Variants in AUTS2 observed in about 807,000 individuals in gnomAD.
The protein encoded by AUTS2 is autism susceptibility gene 2 protein.
In AUTS2, 17 loss-of-function variants were observed where a neutral mutation model predicts 112.4. The observed-to-expected ratio is 0.15, with a 90% CI of 0.10 to 0.23. AUTS2 has a LOEUF of 0.23. Ranked by LOEUF, AUTS2 falls within the 10% of genes least tolerant of loss-of-function variation. AUTS2 has a pLI of 1.00. For missense variants in AUTS2, 1,510 were observed against 1,701.6 expected (o/e 0.89, Z 1.98); for synonymous variants, 751 against 702.7 (o/e 1.07, Z -1.09).
At chr7:70,135,808 A>G (rs1452946960) in intron 4 of AUTS2, among the ~76,000 whole-genome samples, 2 of 152,202 alleles carry the variant, frequency 1.3e-5, no homozygotes, top group Non-Finnish European at 2.9e-5. Flanking sequence ...ATCCTGCTTC[A>G]GCAGTCGAAA....
At chr7:70,776,890 A>G (rs1264274557) in intron 13 of AUTS2, 2 of 593,166 alleles carry the variant, frequency 3.4e-6, no homozygotes, top group Non-Finnish European at 6.0e-6. Flanking sequence ...TCTGAGTAGC[A>G]AACCCACGTG....
chr7:69,746,694 G>A (rs755918326), intron 1 of AUTS2, among the ~76,000 whole-genome samples: 1 of 152,100 alleles, frequency 6.6e-6, no homozygotes, highest in Non-Finnish European at 1.5e-5. Context: ...GGGCAGAGGA[G>A]GGGTAGCAGA....
At position 70,095,289 on chromosome 7, in the gene AUTS2, C is replaced by T. The variant is rs888853834; in HGVS notation, c.523-22843C>T. 3.3e-5 allele frequency among the ~76,000 whole-genome samples: 5 copies of T among 152,074 alleles called. No individual in the cohort carries two copies. The South Asian group carries it at 6.2e-4, about 19-fold the overall frequency. On this transcript the variant is annotated intron_variant, in intron 2 of 18. Coordinates refer to ENST00000342771, the MANE Select transcript of AUTS2 (RefSeq NM_015570.4). ...GTGTGTGTGTGCGTGCGTGCGCTCA[C>T]GTGTGCGTGTGCAGTATTTGCATGG...
chr7:69,934,978 C>T (rs528059192), intron 2 of AUTS2, among the ~76,000 whole-genome samples: 13 of 152,254 alleles, frequency 8.5e-5, no homozygotes, highest in African/African-American at 1.9e-4. Context: ...GGAAAAGTTA[C>T]GGTTTTGTTT....
At chr7:69,828,464 T>C (rs1791353796) in intron 1 of AUTS2, among the ~76,000 whole-genome samples, 1 of 152,174 alleles carries the variant, frequency 6.6e-6, no homozygotes, top group African/African-American at 2.4e-5. Context: ...GATGATATTG[T>C]GGAGCTGTTG....
At chr7:70,594,409 G>A (rs944309192) in intron 5 of AUTS2, among the ~76,000 whole-genome samples, 1 of 152,166 alleles carries the variant, frequency 6.6e-6, no homozygotes, top group Non-Finnish European at 1.5e-5. Context: ...TGACATCTGG[G>A]TTCCTGGATG....
intron 2 of AUTS2, among the ~76,000 whole-genome samples, chr7:69,975,505 A>G (rs1264553845): frequency 6.6e-6 from 1 of 152,128 alleles, no homozygotes; most frequent in Non-Finnish European, 1.5e-5. Context: ...ATCTTTGGTT[A>G]TAATCCCACA....
At chr7:69,917,092 C>T (rs916306564) in intron 2 of AUTS2, among the ~76,000 whole-genome samples, 5 of 152,126 alleles carry the variant, frequency 3.3e-5, no homozygotes, top group Non-Finnish European at 7.3e-5. Flanking sequence ...TAGCTCACTG[C>T]AGCCTCCACC....
chr7:70,269,815 G>T (rs985889559), intron 4 of AUTS2, among the ~76,000 whole-genome samples: 1 of 152,152 alleles, frequency 6.6e-6, no homozygotes, highest in African/African-American at 2.4e-5. Flanking sequence ...TATTCTTAAT[G>T]TTTGAGCCCT....
chr7:70,626,257 C>T (rs1226640530), intron 5 of AUTS2, among the ~76,000 whole-genome samples: 1 of 118,922 alleles, frequency 8.4e-6, no homozygotes, highest in African/African-American at 3.1e-5. Context: ...GGTATGGTGG[C>T]TCACACCTGT....
intron 5 of AUTS2, among the ~76,000 whole-genome samples, chr7:70,561,557 T>G (rs541423580): frequency 6.6e-6 from 1 of 152,126 alleles, no homozygotes; most frequent in Non-Finnish European, 1.5e-5. Flanking sequence ...GCCCAGGAGT[T>G]TGAGGCTGCA....
chr7:70,723,389 C>T (rs10265371), intron 6 of AUTS2, among the ~76,000 whole-genome samples: 4,910 of 152,120 alleles, frequency 0.032, 245 homozygotes, highest in African/African-American at 0.11. Context: ...GGAGGTTTTT[C>T]GGACCTCATC....
At position 70,059,253 on chromosome 7, in the gene AUTS2, C is replaced by CTA. The variant is rs1056481951; in HGVS notation, c.523-58871_523-58870dup. On this transcript the variant is annotated intron_variant, in intron 2 of 18. Coordinates refer to ENST00000342771, the MANE Select transcript of AUTS2 (RefSeq NM_015570.4). ...AGAATGTCATACAGTTGGAATCATA[C>CTA]TATATATATGTAGCCTTTCAGATTG... is the stretch of plus-strand genomic sequence containing the variant. Among the ~76,000 whole-genome samples, 8 of 152,272 alleles carry CTA rather than the reference C, an allele frequency of 5.3e-5. No homozygotes were observed. The East Asian group carries it at 7.7e-4, about 15-fold the overall frequency.
intron 1 of AUTS2, among the ~76,000 whole-genome samples, chr7:69,755,582 T>C (rs1290291424): frequency 6.6e-6 from 1 of 152,208 alleles, no homozygotes; most frequent in Non-Finnish European, 1.5e-5. Context: ...TGGGAATACT[T>C]GAGGTGTCAC....
chr7:69,616,128 G>A (rs1165798345), intron 1 of AUTS2, among the ~76,000 whole-genome samples: 1 of 152,162 alleles, frequency 6.6e-6, no homozygotes, highest in Non-Finnish European at 1.5e-5. Flanking sequence ...TGGCTTCTCA[G>A]GAGTGTTTTT....
chr7:70,441,372 C>T (rs1796116649), intron 5 of AUTS2, among the ~76,000 whole-genome samples: 1 of 152,140 alleles, frequency 6.6e-6, no homozygotes, highest in African/African-American at 2.4e-5. Context: ...CCTCTTTCCA[C>T]ACACTTTTTG....
At chr7:70,117,115 TTG>T (rs1322128215) in intron 2 of AUTS2, among the ~76,000 whole-genome samples, 8,593 of 120,962 alleles carry the variant, frequency 0.071, 376 homozygotes, top group African/African-American at 0.13. Context: ...TTTTTTTTTT[TTG>T]TTTTTTTTTG....
chr7:69,929,062 G>A (rs1796135934), intron 2 of AUTS2, among the ~76,000 whole-genome samples: 1 of 152,148 alleles, frequency 6.6e-6, no homozygotes. Context: ...AGAATTTACT[G>A]ATGATGAAAT....
chr7:69,728,305 T>C (rs74847422), intron 1 of AUTS2, among the ~76,000 whole-genome samples: 2 of 152,208 alleles, frequency 1.3e-5, no homozygotes, highest in African/African-American at 4.8e-5. Flanking sequence ...CTAAACCTGC[T>C]GCAGTGCAGC....
Sources: gnomAD v4.1 joint callset for allele counts (sites outside exome capture counted in the v4.1 genomes callset) on GRCh38, gnomAD v4.1.1 for gene constraint, MANE v1.5 for transcripts, NCBI Gene and HGNC (gene_info 2026-07-23, HGNC 2026-07-21) for gene names.